DLG5: variants seen among roughly 807,000 people sequenced by gnomAD.
DLG5 encodes the protein discs large MAGUK scaffold protein 5, also known as disks large homolog 5.
Under a neutral mutation model 189.8 loss-of-function variants are expected in DLG5, and 48 were observed. The ratio of observed to expected loss-of-function variants is 0.25; its 90% CI spans 0.20 to 0.32. DLG5 has a LOEUF of 0.32. Among genes scored for constraint, DLG5 ranks in the 10% least tolerant of loss-of-function variants. DLG5 has a pLI of 1.00. For synonymous variants in DLG5, 1,016 were observed against 1,054.1 expected (o/e 0.96, Z 0.70); for missense variants, 2,160 against 2,544.7 (o/e 0.85, Z 3.25).
At chr10:77,894,512 G>A (rs1255999464) in intron 1 of DLG5, among the ~76,000 whole-genome samples, 1 of 143,582 alleles carries the variant, frequency 7.0e-6, no homozygotes, top group African/African-American at 2.6e-5. Context: ...CTACATGAAT[G>A]TGCATGCTTT....
At position 77,811,944 on chromosome 10, in the gene DLG5, G is replaced by A. The variant is rs745606129; in HGVS notation, c.4302C>T (p.Leu1434=). 1 of 1,607,278 alleles carries A rather than the reference G, an allele frequency of 6.2e-7. No individual in the cohort carries two copies. The highest frequency in any genetic ancestry group is 8.5e-7 in the Non-Finnish European group (1 of 1,179,826). ...LAQYNPHVHQ[L]SSHSRSSSHL... ...CTCACCTGGACCGGGAGTGGCTGCT[G>A]AGCTGGTGCACGTGGGGGTTGTACT... is the stretch of plus-strand genomic sequence containing the variant. The change falls in exon 22 of 32, where the codon CTC becomes CTT. Residue 1434 remains leucine, a synonymous_variant. Transcript: ENST00000372391.
At chr10:77,866,143 G>A (rs1844672900) in intron 2 of DLG5, among the ~76,000 whole-genome samples, 1 of 152,188 alleles carries the variant, frequency 6.6e-6, no homozygotes, top group South Asian at 2.1e-4. Context: ...AGGTGTGGCT[G>A]AGCCAGCAGG....
Position 77,793,997 on chromosome 10 carries a change from C to A in DLG5, c.5656+11G>T, listed in dbSNP as rs761543417. 1.2e-6 allele frequency: 2 copies of A among 1,612,010 alleles called. No homozygotes were observed. Among genetic ancestry groups the A allele is most frequent in the Admixed American group, 1.7e-5 (1 of 60,026 alleles). ...CTGCCTGCTCCCCACTCCAGGCCCA[C>A]GCACACCTACCTGTGAAGTACCTGC... On this transcript the variant is annotated intron_variant, in intron 31 of 31. Transcript: ENST00000372391.
Position 77,889,298 on chromosome 10 carries a change from A to G in DLG5, c.305-20101T>C, listed in dbSNP as rs112100658. 614 of 153,730 alleles carry G rather than the reference A, an allele frequency of 4.0e-3. 2 individuals are homozygous for G. The highest frequency in any genetic ancestry group is 6.7e-3 in the Non-Finnish European group (466 of 69,086). 9.5% of individuals were successfully genotyped at this position (153,730 alleles called of 1,614,324 possible). A position where few individuals can be genotyped will look rare whatever the true frequency, so the allele number is the denominator to read the frequency against. The stretch of plus-strand genomic sequence containing the variant: ...TTGACACAAGTCACTAGGGAAAAAA[A>G]AAAAAAAAAGTCTCTGCAACTCTGT... On this transcript the variant is annotated intron_variant, in intron 1 of 31. Transcript: ENST00000372391.
chr10:77,796,647 G>C lies in DLG5; in HGVS notation c.5165-53C>G, dbSNP rs2154574824. On this transcript the variant is annotated intron_variant, in intron 27 of 31. Transcript: ENST00000372391. The surrounding 1 kb of genome is among the most constrained non-coding windows in gnomAD (Gnocchi z 5.2). The stretch of plus-strand genomic sequence containing the variant: ...GGACCCAGCTTGGAGTGGAGGACCT[G>C]AGTGGGGCTGGGGAACCCCGCTCCC... 1.9e-6 allele frequency: 3 copies of C among 1,607,264 alleles called. No individual in the cohort carries two copies. Among genetic ancestry groups the C allele is most frequent in the Non-Finnish European group, 2.6e-6 (3 of 1,175,190 alleles).
rs145478098 is a variant in DLG5 at position 77,821,121 on chromosome 10, C to T, written c.3363G>A (p.Pro1121=). ...RRPKSAPSFR[P]KLAPVVIPAQ... ...CAGGAATCACTACTGGAGCAAGCTT[C>T]GGCCGAAAACTGGGAGCAGATTTTG... Residue 1121 remains proline (P), a synonymous_variant, in exon 15 of 32, where the codon CCG becomes CCA. Coordinates refer to ENST00000372391, the MANE Select transcript of DLG5 (RefSeq NM_004747.4). The T allele has an allele frequency of 2.1e-4, 343 of 1,613,948 alleles. No individual in the cohort carries two copies. In the Middle Eastern group the frequency reaches 2.1e-3, roughly 10 times the overall value.
At chr10:77,909,716 C>T (rs796383195) in intron 1 of DLG5, among the ~76,000 whole-genome samples, 7 of 152,246 alleles carry the variant, frequency 4.6e-5, no homozygotes, top group African/African-American at 1.7e-4. Context: ...CTCACACCCA[C>T]AGCCCCTAAA....
chr10:77,818,204 G>A (rs867537956), intron 17 of DLG5, among the ~76,000 whole-genome samples: 53 of 152,268 alleles, frequency 3.5e-4, no homozygotes, highest in Middle Eastern at 6.8e-3. Flanking sequence ...GGGTGGGCCT[G>A]GGGAGGGGGA....
intron 17 of DLG5, among the ~76,000 whole-genome samples, chr10:77,818,332 G>A (rs769968894): frequency 4.6e-5 from 7 of 152,148 alleles, no homozygotes; most frequent in Non-Finnish European, 2.9e-5. Context: ...AGCAGGGATC[G>A]CCCACATCAG....
intron 1 of DLG5, among the ~76,000 whole-genome samples, chr10:77,924,417 T>TAAAA (rs1475434684): frequency 5.3e-5 from 8 of 152,104 alleles, no homozygotes; most frequent in Non-Finnish European, 1.2e-4. Flanking sequence ...GAGACCTAAT[T>TAAAA]AATGGCAATT....
chr10:77,930,334 C>CT (rs1177968342), upstream of DLG5, among the ~76,000 whole-genome samples: 2 of 151,698 alleles, frequency 1.3e-5, no homozygotes, highest in Non-Finnish European at 2.9e-5. Context: ...CTTGTGTTTG[C>CT]TTTTTTTAAA....
intron 20 of DLG5, among the ~76,000 whole-genome samples, chr10:77,815,454 G>A (rs189000467): frequency 8.5e-5 from 13 of 152,292 alleles, no homozygotes; most frequent in Non-Finnish European, 1.5e-4. Flanking sequence ...GAGGTCAGGA[G>A]TTCAAGATAA....
intron 1 of DLG5, among the ~76,000 whole-genome samples, chr10:77,921,383 C>T (rs1391099580): frequency 6.6e-6 from 1 of 152,202 alleles, no homozygotes; most frequent in African/African-American, 2.4e-5. Context: ...CCACACCTGA[C>T]AATCAGCACC....
the DLG5 span, among the ~76,000 whole-genome samples, chr10:77,938,131 T>C: frequency 6.6e-6 from 1 of 152,060 alleles, no homozygotes; most frequent in Non-Finnish European, 1.5e-5. Flanking sequence ...TCTAGCTTGA[T>C]GCACAATAGG....
chr10:77,898,100 G>A (rs1845817719), intron 1 of DLG5, among the ~76,000 whole-genome samples: 1 of 152,162 alleles, frequency 6.6e-6, no homozygotes. Context: ...GCTACCACAA[G>A]CACCTTCCTC....
chr10:77,935,002 C>T, the DLG5 span, among the ~76,000 whole-genome samples: 5 of 152,030 alleles, frequency 3.3e-5, no homozygotes, highest in African/African-American at 9.7e-5. Context: ...GGACTACAGG[C>T]GCCCGCCACC....
chr10:77,889,090 C>A (rs28663476), intron 1 of DLG5, among the ~76,000 whole-genome samples: 1 of 136,366 alleles, frequency 7.3e-6, no homozygotes, highest in East Asian at 2.2e-4. Flanking sequence ...CCACAGGTAA[C>A]CTCCCAGGCC....
At chr10:77,818,322 A>G (rs952985265) in intron 17 of DLG5, among the ~76,000 whole-genome samples, 1 of 152,216 alleles carries the variant, frequency 6.6e-6, no homozygotes, top group Admixed American at 6.5e-5. Flanking sequence ...TGAAGGGCAG[A>G]GCAGGGATCG....
Position 77,856,821 on chromosome 10 carries a change from G to A in DLG5, c.445C>T (p.Leu149Phe). ...DQQVNEKVENLSIQLRLMTRE... is the reference protein window; with the variant it reads ...DQQVNEKVENFSIQLRLMTRE... ...GTCATCAGCCGCAGCTGAATGGAGAGGTTCTCCACCTTCTCATTCACTTGC... is the reference window on the plus strand; with the variant it reads ...GTCATCAGCCGCAGCTGAATGGAGAAGTTCTCCACCTTCTCATTCACTTGC... Residue 149 changes from leucine to phenylalanine, a missense_variant, in exon 3 of 32, where the codon CTC (leucine) becomes TTC (phenylalanine). Leu to Phe is a conservative substitution (Grantham distance 22). Coordinates refer to ENST00000372391, the MANE Select transcript of DLG5 (RefSeq NM_004747.4). The A allele has an allele frequency of 6.2e-7, 1 of 1,613,256 alleles. No individual in the cohort carries two copies. Among genetic ancestry groups the A allele is most frequent in the Non-Finnish European group, 8.5e-7 (1 of 1,180,000 alleles).
Sources: gnomAD v4.1 joint callset for allele counts (sites outside exome capture counted in the v4.1 genomes callset) on GRCh38, gnomAD v4.1.1 for gene constraint, Gnocchi (gnomAD v3.1) non-coding constraint, MANE v1.5 for transcripts, NCBI Gene and HGNC (gene_info 2026-07-23, HGNC 2026-07-21) for gene names.